The following VSTM4 variants were observed in gnomAD, a reference collection of about 807,000 sequenced individuals.
The protein encoded by VSTM4 is V-set and transmembrane domain-containing protein 4.
A neutral mutation model predicts 36.4 loss-of-function variants in VSTM4; 20 were observed. The ratio of observed to expected loss-of-function variants is 0.55; its 90% confidence interval spans 0.39 to 0.80. The LOEUF (loss-of-function observed/expected upper bound fraction) is 0.80. Among genes scored for constraint, VSTM4 ranks in the 30% least tolerant of loss-of-function variants. The pLI is 0.00. For missense variants in VSTM4, 392 were observed against 404.5 expected (o/e 0.97, Z 0.26); for synonymous variants, 182 against 173.9 (o/e 1.05, Z -0.37).
In VSTM4 at chr10:49,079,727, G is replaced by T. The variant is rs1169377021; in HGVS notation, c.527-2401C>A. Among the ~76,000 whole-genome samples the T allele has an allele frequency of 2.0e-5, 3 of 152,116 alleles. No individual in the cohort carries two copies. The East Asian group carries it at 5.8e-4, about 29-fold the overall frequency. ...CTCAGAGACACCCAGCCCAGCCTGGGGAGGCTGAGAGAAGCTTCCAAGAGG... is the reference window on the plus strand; with the variant it reads ...CTCAGAGACACCCAGCCCAGCCTGGTGAGGCTGAGAGAAGCTTCCAAGAGG... On this transcript the variant is annotated intron_variant, in intron 3 of 7. Coordinates refer to ENST00000332853, the MANE Select transcript of VSTM4 (RefSeq NM_001031746.5).
intron 4 of VSTM4, among the ~76,000 whole-genome samples, chr10:49,074,102 A>T (rs903506742): frequency 6.6e-6 from 1 of 152,198 alleles, no homozygotes; most frequent in African/African-American, 2.4e-5. Flanking sequence ...ACAGGTGCTT[A>T]TCTAGCGTTT....
chr10:49,036,626 G>A (rs1041117355), intron 7 of VSTM4, among the ~76,000 whole-genome samples: 12 of 152,286 alleles, frequency 7.9e-5, no homozygotes, highest in African/African-American at 2.6e-4. Flanking sequence ...AATCCTCTCA[G>A]AATTCTATCA....
chr10:49,074,998 A>G (rs1844148266), intron 4 of VSTM4, among the ~76,000 whole-genome samples: 1 of 152,170 alleles, frequency 6.6e-6, no homozygotes, highest in Admixed American at 6.5e-5. Flanking sequence ...ACATAAGCAC[A>G]TGGAGGGGCC....
At chr10:49,035,639 GC>G (rs1843416307) in intron 7 of VSTM4, among the ~76,000 whole-genome samples, 1 of 125,732 alleles carries the variant, frequency 8.0e-6, no homozygotes, top group Admixed American at 1.0e-4. Context: ...TTTGAGACCA[GC>G]CTGGGCACAT....
chr10:49,103,977 A>G, intron 2 of VSTM4: 1 of 795,496 alleles, frequency 1.3e-6, no homozygotes. Context: ...AAAGGTACGG[A>G]CCACAGAACT....
At chr10:49,090,649 G>A (rs1257333097) in intron 2 of VSTM4, among the ~76,000 whole-genome samples, 1 of 152,186 alleles carries the variant, frequency 6.6e-6, no homozygotes, top group Non-Finnish European at 1.5e-5. Flanking sequence ...GGTGGACAAG[G>A]AAAAGCTCCT....
intron 3 of VSTM4, among the ~76,000 whole-genome samples, chr10:49,078,450 C>T (rs1396615148): frequency 1.3e-5 from 2 of 151,552 alleles, no homozygotes; most frequent in Non-Finnish European, 2.9e-5. Context: ...ACCACAGCAT[C>T]CTCAGAAATA....
chr10:49,110,382 C>A (rs1347062036), intron 1 of VSTM4, among the ~76,000 whole-genome samples: 1 of 152,112 alleles, frequency 6.6e-6, no homozygotes, highest in Non-Finnish European at 1.5e-5. Flanking sequence ...CAGGGGATCC[C>A]AGGAAAGGGA....
At chr10:49,104,839 A>C (rs1427720961) in intron 2 of VSTM4, among the ~76,000 whole-genome samples, 2 of 151,920 alleles carry the variant, frequency 1.3e-5, no homozygotes. Flanking sequence ...ACAGAGAGAG[A>C]GAGAGGGACA....
chr10:49,102,452 A>G (rs2132020011), intron 2 of VSTM4: 1 of 985,370 alleles, frequency 1.0e-6, no homozygotes, highest in Non-Finnish European at 1.2e-6. Flanking sequence ...TATGTATAAT[A>G]TTTTTGACAT....
At chr10:49,063,816 G>A (rs370861348) in intron 5 of VSTM4, among the ~76,000 whole-genome samples, 5 of 152,254 alleles carry the variant, frequency 3.3e-5, no homozygotes, top group African/African-American at 1.2e-4. Context: ...CTGAAGGCTT[G>A]GTGTCACCTG....
intron 7 of VSTM4, among the ~76,000 whole-genome samples, chr10:49,038,903 G>A (rs948966494): frequency 2.0e-5 from 3 of 152,126 alleles, no homozygotes; most frequent in Non-Finnish European, 4.4e-5. Context: ...GGAGGAGGGG[G>A]AGGCAGCCTG....
chr10:49,023,750 G>T (rs1202717371), intron 7 of VSTM4, among the ~76,000 whole-genome samples: 1 of 152,174 alleles, frequency 6.6e-6, no homozygotes, highest in Non-Finnish European at 1.5e-5. Context: ...GCTTCAAAAT[G>T]ACTCTCTTCA....
intron 5 of VSTM4, among the ~76,000 whole-genome samples, chr10:49,061,128 T>C (rs563041803): frequency 6.6e-6 from 1 of 152,316 alleles, no homozygotes; most frequent in Admixed American, 6.5e-5. Flanking sequence ...AAAATGTACA[T>C]ATATAATCTA....
At chr10:49,040,275 C>A (rs893725568) in intron 7 of VSTM4, among the ~76,000 whole-genome samples, 3 of 152,128 alleles carry the variant, frequency 2.0e-5, no homozygotes, top group African/African-American at 7.2e-5. Context: ...GTCTAAAATG[C>A]TTTTCTCACT....
chr10:49,100,361 ACAC>A (rs1488193079), intron 2 of VSTM4, among the ~76,000 whole-genome samples: 5 of 152,254 alleles, frequency 3.3e-5, no homozygotes, highest in African/African-American at 1.2e-4. Flanking sequence ...CAACTGAGAA[ACAC>A]CACATCTGAA....
In VSTM4 at chr10:49,035,835, C is replaced by A. The variant is rs547645566; in HGVS notation, c.837+11148G>T. Among the ~76,000 whole-genome samples, 200 of 151,722 alleles carry A rather than the reference C, an allele frequency of 1.3e-3. No individual in the cohort carries two copies. In the Middle Eastern group the frequency reaches 0.014, roughly 10 times the overall value. On this transcript the variant is annotated intron_variant, in intron 7 of 7. Transcript: ENST00000332853. ...TGGGCAATAGAGCAAGACTCTATAT[C>A]AAAAAAAATAATAAATAAATAAAGA... is the stretch of plus-strand genomic sequence containing the variant.
At chr10:49,108,995 C>T (rs993808014) in intron 1 of VSTM4, among the ~76,000 whole-genome samples, 1 of 152,170 alleles carries the variant, frequency 6.6e-6, no homozygotes, top group African/African-American at 2.4e-5. Flanking sequence ...GCAGGCAGGG[C>T]CCGAGAAAAG....
chr10:49,109,422 TCCTC>T (rs975067582), intron 1 of VSTM4, among the ~76,000 whole-genome samples: 3 of 152,210 alleles, frequency 2.0e-5, no homozygotes, highest in Admixed American at 2.0e-4. Context: ...CAACAGGTCT[TCCTC>T]CTATACAGTT....
Sources: allele counts gnomAD v4.1 joint callset (sites outside exome capture counted in the v4.1 genomes callset), GRCh38; gene constraint gnomAD v4.1.1; transcripts MANE v1.5; gene names NCBI Gene and HGNC (gene_info 2026-07-23, HGNC 2026-07-21).